The following ZBTB20 variants were observed in gnomAD, a reference collection of about 807,000 sequenced individuals.
The protein encoded by ZBTB20 is zinc finger and BTB domain-containing protein 20.
Under a neutral mutation model 56.9 loss-of-function variants are expected in ZBTB20, and 9 were observed. The ratio of observed to expected loss-of-function variants is 0.16; its 90% CI spans 0.10 to 0.28. The LOEUF is 0.28. ZBTB20 is among the 10% of genes least tolerant of loss of function. The probability of loss-of-function intolerance (pLI) is 1.00; values close to 1 mark genes in which losing one functional copy is unlikely to be tolerated. For missense variants in ZBTB20, 655 were observed against 1,003.0 expected, an observed-to-expected ratio of 0.65 and a Z score of 4.69; for synonymous variants, 417 against 420.7, an observed-to-expected ratio of 0.99 and a Z score of 0.11.
At chr3:114,869,688 A>C (rs2075907760) in intron 4 of ZBTB20, among the ~76,000 whole-genome samples, 1 of 152,102 alleles carries the variant, frequency 6.6e-6, no homozygotes. Flanking sequence ...AGTCTTTCTG[A>C]TTTTCTCACA....
At chr3:115,084,188 A>G (rs2082900463) in intron 1 of ZBTB20, among the ~76,000 whole-genome samples, 1 of 151,326 alleles carries the variant, frequency 6.6e-6, no homozygotes, top group Non-Finnish European at 1.5e-5. Flanking sequence ...CGATGTTTAC[A>G]TAGACTTTGT....
chr3:115,092,105 G>C (rs1025984075), intron 1 of ZBTB20, among the ~76,000 whole-genome samples: 3 of 152,050 alleles, frequency 2.0e-5, no homozygotes, highest in African/African-American at 7.2e-5. Flanking sequence ...TACCCTGATA[G>C]GAGAAAAGTA....
intron 7 of ZBTB20, among the ~76,000 whole-genome samples, chr3:114,488,777 T>C (rs907413632): frequency 6.6e-6 from 1 of 152,212 alleles, no homozygotes; most frequent in Non-Finnish European, 1.5e-5. Flanking sequence ...AAGACAGTTA[T>C]TGTGGCATTG....
At chr3:114,681,861 C>T (rs187414496) in intron 6 of ZBTB20, among the ~76,000 whole-genome samples, 26 of 152,206 alleles carry the variant, frequency 1.7e-4, no homozygotes. Flanking sequence ...AGCCTATAGC[C>T]CACAGAGTTT....
At chr3:114,925,814 C>T (rs895056708) in intron 3 of ZBTB20, among the ~76,000 whole-genome samples, 1 of 152,222 alleles carries the variant, frequency 6.6e-6, no homozygotes, top group African/African-American at 2.4e-5. Context: ...GTGTGAGCCA[C>T]TGTGCCTGGC....
chr3:114,644,753 G>T (rs1396567948), intron 6 of ZBTB20, among the ~76,000 whole-genome samples: 1 of 151,994 alleles, frequency 6.6e-6, no homozygotes. Flanking sequence ...TATTCCTATG[G>T]ACTAAATCTG....
chr3:114,799,178 A>C (rs1237000989), intron 5 of ZBTB20, among the ~76,000 whole-genome samples: 1 of 151,874 alleles, frequency 6.6e-6, no homozygotes, highest in Non-Finnish European at 1.5e-5. Flanking sequence ...CCTGAAACAA[A>C]ATCTATAATA....
chr3:115,119,588 C>T (rs916812382), intron 1 of ZBTB20, among the ~76,000 whole-genome samples: 5 of 152,114 alleles, frequency 3.3e-5, no homozygotes, highest in African/African-American at 1.2e-4. Context: ...CACACTAATC[C>T]TACAGTACAA....
chr3:114,876,034 G>C (rs1244384048), intron 4 of ZBTB20, among the ~76,000 whole-genome samples: 3 of 151,924 alleles, frequency 2.0e-5, no homozygotes, highest in Non-Finnish European at 4.4e-5. Context: ...AGGAGTTCAA[G>C]ACCAGCCTGG....
At chr3:114,385,673 C>T (rs1379166173) in intron 8 of ZBTB20, among the ~76,000 whole-genome samples, 2 of 152,024 alleles carry the variant, frequency 1.3e-5, no homozygotes, top group Non-Finnish European at 2.9e-5. Context: ...TCGAGACAAT[C>T]CTGGCCAACA....
At position 114,884,477 on chromosome 3, in the gene ZBTB20, C is replaced by T. The variant is rs115856867; in HGVS notation, c.-417+15827G>A. Among the ~76,000 whole-genome samples, 148 of 152,228 alleles carry T rather than the reference C, an allele frequency of 9.7e-4. 1 individual carries two copies. Among genetic ancestry groups the T allele is most frequent in the African/African-American group, 3.5e-3 (144 of 41,526 alleles). ...ATGGTAATACTGTTATCTGGTATAA[C>T]ATCGAGCAATGGGAAAATAATGTGG... On this transcript the variant is annotated intron_variant, in intron 4 of 11. Transcript: ENST00000675478.
chr3:114,956,359 C>G (rs1048691695), intron 3 of ZBTB20, among the ~76,000 whole-genome samples: 3 of 152,148 alleles, frequency 2.0e-5, no homozygotes, highest in Non-Finnish European at 4.4e-5. Flanking sequence ...TCAGTTCACC[C>G]CTTTGTGACC....
intron 4 of ZBTB20, among the ~76,000 whole-genome samples, chr3:114,837,121 C>T (rs9841177): frequency 0.59 from 89,842 of 152,066 alleles, 30,531 homozygotes; most frequent in East Asian, 0.96. Context: ...TTTCTTCACT[C>T]GTAGCTCAAA....
chr3:114,838,627 T>C (rs2074233808), intron 4 of ZBTB20, among the ~76,000 whole-genome samples: 1 of 152,164 alleles, frequency 6.6e-6, no homozygotes, highest in African/African-American at 2.4e-5. Context: ...TTATGAAATT[T>C]AGGCAGAGGG....
At chr3:114,676,228 C>T (rs1209006458) in intron 6 of ZBTB20, among the ~76,000 whole-genome samples, 4 of 152,148 alleles carry the variant, frequency 2.6e-5, no homozygotes, top group African/African-American at 4.8e-5. Context: ...ATTTGCACAC[C>T]GTCCATTTAG....
intron 3 of ZBTB20, among the ~76,000 whole-genome samples, chr3:114,913,172 G>C (rs542280151): frequency 1.3e-5 from 2 of 152,040 alleles, no homozygotes; most frequent in African/African-American, 4.8e-5. Context: ...GTTCTCCATA[G>C]TACTTATACT....
At chr3:115,023,353 T>C (rs79663251) in intron 2 of ZBTB20, among the ~76,000 whole-genome samples, 4 of 151,136 alleles carry the variant, frequency 2.6e-5, no homozygotes, top group East Asian at 2.0e-4. Flanking sequence ...TTCAATTCTG[T>C]TGAATCCCAT....
rs758428620 is a variant in ZBTB20 at position 114,806,812 on chromosome 3, A to C, written c.-416-5638T>G. ...GTTTTTTACAGTCCTAGGTTCGTGA[A>C]TATTCATTTATATCGCATATAATCC... On this transcript the variant is annotated intron_variant, in intron 4 of 11. Coordinates refer to ENST00000675478, the MANE Select transcript of ZBTB20 (RefSeq NM_001348800.3). Among the ~76,000 whole-genome samples the C allele has an allele frequency of 8.5e-5, 13 of 152,128 alleles. No homozygotes were observed. The South Asian group carries it at 2.7e-3, about 31-fold the overall frequency.
rs377453732 is a variant in ZBTB20, at chr3:114,517,387, C to G, written c.-294-16996G>C. ...ACTGAGAGTCATAGGCATTTATCCT[C>G]TAAATCACTGAACAAAGCTTGGAAC... On this transcript the variant is annotated intron_variant, in intron 6 of 11. Transcript: ENST00000675478. Among the ~76,000 whole-genome samples the G allele has an allele frequency of 5.0e-4, 76 of 152,226 alleles. No homozygotes were observed. The South Asian group carries it at 0.013, about 26-fold the overall frequency.
Sources: allele counts gnomAD v4.1 joint callset (sites outside exome capture counted in the v4.1 genomes callset), GRCh38; gene constraint gnomAD v4.1.1; transcripts MANE v1.5; gene names NCBI Gene and HGNC (gene_info 2026-07-23, HGNC 2026-07-21).